Variants in SCYL2 observed in about 807,000 individuals in gnomAD.
SCYL2 encodes the protein SCY1-like protein 2.
A neutral mutation model predicts 100.4 loss-of-function variants in SCYL2; 36 were observed. The ratio of observed to expected loss-of-function variants is 0.36; its 90% CI spans 0.27 to 0.47. SCYL2 has a LOEUF of 0.47. SCYL2 is among the 20% of genes least tolerant of loss of function. SCYL2 has a pLI of 1.00. For missense variants in SCYL2, 902 were observed against 1,083.9 expected, an observed-to-expected ratio of 0.83 and a Z score of 2.36; for synonymous variants, 330 against 359.2, an observed-to-expected ratio of 0.92 and a Z score of 0.92.
chr12:100,338,631 C>T lies in SCYL2; in HGVS notation c.2249C>T (p.Pro750Leu), dbSNP rs1952311436. 1.2e-6 allele frequency: 2 copies of T among 1,613,996 alleles called. No individual in the cohort carries two copies. Among genetic ancestry groups the T allele is most frequent in the Non-Finnish European group, 1.7e-6 (2 of 1,179,936 alleles). Residue 750 changes from proline to leucine, a missense_variant, in exon 18 of 18, where the codon CCT (proline) becomes CTT (leucine). Coordinates refer to ENST00000360820, the MANE Select transcript of SCYL2 (RefSeq NM_017988.6). ...GCTTCAAGTACTTTCACTTCTGTTC[C>T]TTCCATGGGCATTGGTATGATGTTT... ...SSASSTFTSV[P>L]SMGIGMMFST...
At chr12:100,329,345 A>G (rs377220369) in intron 13 of SCYL2, 26 bp downstream of exon 13, 3 of 1,106,832 alleles carry the variant, frequency 2.7e-6, no homozygotes, top group African/African-American at 3.1e-5. Context: ...TGCTTTATTC[A>G]TTTTATTCAG....
chr12:100,316,899 C>G (rs1359968989), intron 9 of SCYL2, among the ~76,000 whole-genome samples: 2 of 152,072 alleles, frequency 1.3e-5, no homozygotes, highest in African/African-American at 4.8e-5. Flanking sequence ...CCCAGGAGTT[C>G]AAGACCAGCC....
intron 11 of SCYL2, among the ~76,000 whole-genome samples, chr12:100,324,415 A>G (rs2096359554): frequency 6.6e-6 from 1 of 152,162 alleles, no homozygotes; most frequent in Non-Finnish European, 1.5e-5. Context: ...TTGATAACGG[A>G]CATATTATTA....
At chr12:100,318,644 T>C (rs962780358) in intron 10 of SCYL2, among the ~76,000 whole-genome samples, 1 of 152,214 alleles carries the variant, frequency 6.6e-6, no homozygotes, top group Non-Finnish European at 1.5e-5. Flanking sequence ...GTGTGCCTTT[T>C]TCTCATGAAA....
intron 1 of SCYL2, among the ~76,000 whole-genome samples, chr12:100,270,961 G>A (rs879384861): frequency 6.6e-6 from 1 of 151,540 alleles, no homozygotes; most frequent in Non-Finnish European, 1.5e-5. Flanking sequence ...TTTTATGTTC[G>A]TTTTTAAAAT....
intron 1 of SCYL2, among the ~76,000 whole-genome samples, chr12:100,273,109 C>T (rs1480139148): frequency 6.6e-6 from 1 of 152,086 alleles, no homozygotes; most frequent in Non-Finnish European, 1.5e-5. Flanking sequence ...AGTGATTGAT[C>T]ATCTTACTGA....
In SCYL2 at chr12:100,315,704, C is replaced by T. The variant is rs755994437; in HGVS notation, c.1242C>T (p.Gly414=). The T allele has an allele frequency of 3.1e-6, 5 of 1,609,760 alleles. No homozygotes were observed. The highest frequency in any genetic ancestry group is 4.2e-6 in the Non-Finnish European group (5 of 1,177,894). ...EYVKLILPEL[G]PVFKQQEPIQ... is the part of the protein sequence containing the mutation. ...TCAAATTAATTCTTCCTGAACTTGG[C>T]CCTGTGTTTAAGCAGCAGGAGCCAA... Residue 414 remains glycine (G), a synonymous_variant, in exon 9 of 18, where the codon GGC becomes GGT. Coordinates refer to ENST00000360820, the MANE Select transcript of SCYL2 (RefSeq NM_017988.6).
chr12:100,280,158 G>A (rs921000048), intron 1 of SCYL2, among the ~76,000 whole-genome samples: 1 of 152,100 alleles, frequency 6.6e-6, no homozygotes, highest in Non-Finnish European at 1.5e-5. Flanking sequence ...AATACATTTT[G>A]TTCAGTTTTC....
chr12:100,327,140 T>C, intron 12 of SCYL2: 1 of 354,096 alleles, frequency 2.8e-6, no homozygotes, highest in Non-Finnish European at 5.6e-6. Flanking sequence ...ATTTTATTCT[T>C]CCCCAAATTC....
chr12:100,333,772 A>T (rs373571813), intron 13 of SCYL2: 2 of 154,894 alleles, frequency 1.3e-5, no homozygotes, highest in African/African-American at 4.8e-5. Context: ...TTCTATGCCT[A>T]TTAAATGGAT....
At chr12:100,332,614 A>G (rs1952224035) in intron 13 of SCYL2, among the ~76,000 whole-genome samples, 1 of 152,202 alleles carries the variant, frequency 6.6e-6, no homozygotes, top group Non-Finnish European at 1.5e-5. Context: ...AAGTCAGAAT[A>G]AAGTTTACCC....
At chr12:100,324,029 C>T (rs2096359102) in intron 11 of SCYL2, among the ~76,000 whole-genome samples, 1 of 151,986 alleles carries the variant, frequency 6.6e-6, no homozygotes, top group African/African-American at 2.4e-5. Flanking sequence ...TTATTGGTCT[C>T]TAAATGTCTT....
rs538059035 is a variant in SCYL2, at chr12:100,341,459, A to G, written c.*2287A>G. The G allele has an allele frequency of 7.9e-5, 12 of 152,272 alleles. No individual in the cohort carries two copies. Among genetic ancestry groups the G allele is most frequent in the South Asian group, 6.2e-4 (3 of 4,826 alleles). The allele number at this position is 152,272 out of a possible 1,614,324, so 9.4% of individuals were successfully genotyped here. On this transcript the variant is annotated 3_prime_UTR_variant, in exon 18 of 18. Coordinates refer to ENST00000360820, the MANE Select transcript of SCYL2 (RefSeq NM_017988.6). ...ATTTGAATTAGTTCTCTATTCTCCT[A>G]TTGCTAAATGTGTGATATATAGAGA... is the stretch of plus-strand genomic sequence containing the variant.
In SCYL2 at chr12:100,323,588, G is replaced by A. The variant is rs1012493049; in HGVS notation, c.1459G>A (p.Ala487Thr). The change falls in exon 11 of 18, where the codon GCT becomes ACT. Residue 487 changes from alanine to threonine, a missense_variant. Transcript: ENST00000360820. ...TATAGACTACCCATCCATGAAAAACGCTTTGATACCAAGAATTAAAAATGC... is the reference window on the plus strand; with the variant it reads ...TATAGACTACCCATCCATGAAAAACACTTTGATACCAAGAATTAAAAATGC... ...NLIDYPSMKN[A>T]LIPRIKNACL... is the part of the protein sequence containing the mutation. 1.3e-5 allele frequency: 21 copies of A among 1,605,414 alleles called. No homozygotes were observed. The highest frequency in any genetic ancestry group is 1.8e-5 in the Non-Finnish European group (21 of 1,175,786).
intron 2 of SCYL2, 34 bp from the exon 3 acceptor site, chr12:100,291,469 T>C: frequency 7.3e-7 from 1 of 1,361,360 alleles, no homozygotes; most frequent in East Asian, 2.4e-5. Flanking sequence ...TTTTCTATAT[T>C]TCTTGACTAA....
At chr12:100,326,785 A>T (rs778708462) in intron 12 of SCYL2, 31 bp downstream of exon 12, 46 of 1,587,192 alleles carry the variant, frequency 2.9e-5, no homozygotes, top group Non-Finnish European at 3.9e-5. Flanking sequence ...ATTTGATGCT[A>T]TTTTATCATG....
chr12:100,337,374 A>C lies in SCYL2; in HGVS notation c.2026-13A>C. On this transcript the variant is annotated splice_polypyrimidine_tract_variant and intron_variant, in intron 16 of 17. Coordinates refer to ENST00000360820, the MANE Select transcript of SCYL2 (RefSeq NM_017988.6). The stretch of plus-strand genomic sequence containing the variant: ...AAATTGCCGGTTGATTTTTTGCTTT[A>C]TTTTGTTTTAAGGCATCACTTACAC... 1 of 1,597,528 alleles carries C rather than the reference A, an allele frequency of 6.3e-7. No homozygotes were observed.
intron 11 of SCYL2, among the ~76,000 whole-genome samples, chr12:100,326,225 A>T (rs1328222594): frequency 6.6e-6 from 1 of 152,168 alleles, no homozygotes; most frequent in Non-Finnish European, 1.5e-5. Flanking sequence ...AGTTAGAGTA[A>T]AATACTGGAA....
intron 13 of SCYL2, among the ~76,000 whole-genome samples, chr12:100,331,891 A>G (rs1355211187): frequency 6.6e-6 from 1 of 152,200 alleles, no homozygotes; most frequent in African/African-American, 2.4e-5. Flanking sequence ...CATTTGAATA[A>G]AAAACAGCAA....
Sources: gnomAD v4.1 joint callset for allele counts (sites outside exome capture counted in the v4.1 genomes callset) on GRCh38, gnomAD v4.1.1 for gene constraint, MANE v1.5 for transcripts, NCBI Gene and HGNC (gene_info 2026-07-23, HGNC 2026-07-21) for gene names.